Variants in MACF1 observed in about 807,000 individuals in gnomAD.
MACF1 encodes microtubule actin crosslinking factor 1, also known as microtubule-actin cross-linking factor 1.
A neutral mutation model predicts 854.8 loss-of-function variants in MACF1; 193 were observed. That is an observed-to-expected ratio of 0.23 (90% CI 0.20 to 0.25). The LOEUF (loss-of-function observed/expected upper bound fraction) is 0.25. Among genes scored for constraint, MACF1 ranks in the 10% least tolerant of loss-of-function variants. MACF1 has a pLI of 1.00. For synonymous variants in MACF1, 3,185 were observed against 3,226.7 expected (o/e 0.99, Z 0.44); for missense variants, 7,722 against 8,929.1 (o/e 0.86, Z 5.45).
At chr1:39,248,415 C>G (rs1282895451) in intron 2 of MACF1, among the ~76,000 whole-genome samples, 4 of 152,098 alleles carry the variant, frequency 2.6e-5, no homozygotes, top group Non-Finnish European at 1.5e-5. Flanking sequence ...TTACTGCAGC[C>G]TTGAGCCTTA....
chr1:39,418,751 T>C (rs754325745), intron 58 of MACF1, among the ~76,000 whole-genome samples: 1 of 152,080 alleles, frequency 6.6e-6, no homozygotes, highest in Non-Finnish European at 1.5e-5. Context: ...TAGTCCCCGT[T>C]ACTTGAGAGA....
At chr1:39,308,419 A>G (rs1272233431) in intron 23 of MACF1, among the ~76,000 whole-genome samples, 1 of 152,132 alleles carries the variant, frequency 6.6e-6, no homozygotes, top group East Asian at 1.9e-4. Context: ...GAGAGAGGGA[A>G]GATTAAACTT....
intron 36 of MACF1, 188 bp from the exon 37 acceptor site, chr1:39,331,015 G>T (rs1571346092): frequency 1.5e-6 from 1 of 669,144 alleles, no homozygotes; most frequent in Non-Finnish European, 2.2e-6. Context: ...TGGTCAGGCT[G>T]GTCTCAGACT....
chr1:39,325,557 A>G (rs1646594433), intron 35 of MACF1, among the ~76,000 whole-genome samples: 1 of 152,244 alleles, frequency 6.6e-6, no homozygotes, highest in Non-Finnish European at 1.5e-5. Flanking sequence ...GGACTTAACT[A>G]TGTTTTCGAG....
At chr1:39,327,995 G>GATATA in intron 36 of MACF1, among the ~76,000 whole-genome samples, 1 of 152,242 alleles carries the variant, frequency 6.6e-6, no homozygotes, top group East Asian at 1.9e-4. Flanking sequence ...GTGTCTCTGG[G>GATATA]ATATATATGT....
intron 2 of MACF1, among the ~76,000 whole-genome samples, chr1:39,113,423 G>A (rs776707511): frequency 1.3e-5 from 2 of 152,064 alleles, no homozygotes; most frequent in Admixed American, 1.3e-4. Flanking sequence ...CAACACAAAC[G>A]AATTGTGTTT....
intron 2 of MACF1, among the ~76,000 whole-genome samples, chr1:39,099,099 A>G (rs1207894931): frequency 6.6e-6 from 1 of 152,194 alleles, no homozygotes; most frequent in Admixed American, 6.5e-5. Context: ...CTACCCTTGC[A>G]AGGAGGAATG....
At chr1:39,390,091 A>G (rs114013808) in intron 58 of MACF1, among the ~76,000 whole-genome samples, 79 of 152,314 alleles carry the variant, frequency 5.2e-4, no homozygotes, top group Admixed American at 2.4e-3. Context: ...TCACTATATT[A>G]ACCTGTTGCC....
chr1:39,240,712 T>C lies in MACF1; in HGVS notation c.172-9302T>C, dbSNP rs190455542. 2.0e-5 allele frequency among the ~76,000 whole-genome samples: 3 copies of C among 152,322 alleles called. No individual in the cohort carries two copies. The East Asian group carries it at 5.8e-4, about 29-fold the overall frequency. Reference sequence around the variant, plus strand: ...CAGGGTTTCTTCATGTTGGTCAGGCTGGTCTCGAACTTCTGATCTCAGGTG... The same window carrying C: ...CAGGGTTTCTTCATGTTGGTCAGGCCGGTCTCGAACTTCTGATCTCAGGTG... On this transcript the variant is annotated intron_variant, in intron 2 of 100. Transcript: ENST00000564288.
chr1:39,303,118 T>A, intron 23 of MACF1, 40 bp downstream of exon 23: 1 of 1,602,622 alleles, frequency 6.2e-7, no homozygotes, highest in Non-Finnish European at 8.5e-7. Context: ...CCACCTCTGC[T>A]GTTGGCCTCG....
At chr1:39,089,527 C>G (rs959114453) in intron 2 of MACF1, among the ~76,000 whole-genome samples, 1 of 152,134 alleles carries the variant, frequency 6.6e-6, no homozygotes, top group East Asian at 1.9e-4. Flanking sequence ...GGTTCATTTC[C>G]CTCACCAGCT....
At position 39,448,286 on chromosome 1, in the gene MACF1, G is replaced by A; in HGVS notation, c.20088+134G>A. 16 of 1,046,522 alleles carry A rather than the reference G, an allele frequency of 1.5e-5. No individual in the cohort carries two copies. The South Asian group carries it at 2.5e-4, about 17-fold the overall frequency. The allele number at this position is 1,046,522 out of a possible 1,614,324, so 64.8% of individuals were successfully genotyped here. A position where few individuals can be genotyped will look rare whatever the true frequency, so the allele number is the denominator to read the frequency against. Reference sequence around the variant, plus strand: ...TTTAAAAGTCAAAATGATGAAGCCAGGGTTCCATTTTATATCTAGATGGTC... The same window carrying A: ...TTTAAAAGTCAAAATGATGAAGCCAAGGTTCCATTTTATATCTAGATGGTC... On this transcript the variant is annotated intron_variant, in intron 83 of 100. Coordinates refer to ENST00000564288, the MANE Select transcript of MACF1 (RefSeq NM_001394062.1).
At chr1:39,113,589 AT>A (rs1642468033) in intron 2 of MACF1, among the ~76,000 whole-genome samples, 1 of 152,244 alleles carries the variant, frequency 6.6e-6, no homozygotes, top group African/African-American at 2.4e-5. Flanking sequence ...TAATTGGAAC[AT>A]TCCTGATGGT....
chr1:39,312,509 C>G (rs1462473310), intron 26 of MACF1, among the ~76,000 whole-genome samples: 1 of 152,052 alleles, frequency 6.6e-6, no homozygotes, highest in African/African-American at 2.4e-5. Flanking sequence ...AACCACAGAA[C>G]AATGATAAAC....
intron 2 of MACF1, among the ~76,000 whole-genome samples, chr1:39,108,988 CTT>C (rs1005021059): frequency 9.2e-5 from 14 of 152,132 alleles, no homozygotes; most frequent in African/African-American, 3.4e-4. Flanking sequence ...CAGAAAATAA[CTT>C]ATAAAACTTA....
chr1:39,253,239 G>A (rs1645061940), intron 4 of MACF1, among the ~76,000 whole-genome samples: 1 of 152,136 alleles, frequency 6.6e-6, no homozygotes, highest in Admixed American at 6.5e-5. Context: ...GGGTAGAGAT[G>A]GGGTTCTCTC....
Position 39,357,551 on chromosome 1 carries a change from A to G in MACF1, c.11601A>G (p.Ala3867=), listed in dbSNP as rs781380481. 4 of 1,614,208 alleles carry G rather than the reference A, an allele frequency of 2.5e-6. No homozygotes were observed. In the South Asian group the frequency reaches 3.3e-5, roughly 13 times the overall value. The change falls in exon 45 of 101, where the codon GCA becomes GCG. Residue 3867 remains alanine (A), a synonymous_variant. Transcript: ENST00000564288. ...CTACTTCCCTGGCCCAATCAGAGGC[A>G]GAACTGAAGCAGGTGCAGACACTTC... is the stretch of plus-strand genomic sequence containing the variant. The part of the protein sequence containing the change: ...QYSTSLAQSE[A]ELKQVQTLQD...
intron 2 of MACF1, among the ~76,000 whole-genome samples, chr1:39,146,060 G>A (rs1187906407): frequency 6.6e-6 from 1 of 152,174 alleles, no homozygotes; most frequent in Non-Finnish European, 1.5e-5. Context: ...ATATTGAAGA[G>A]CTATCTGGAC....
rs933749557 is a variant in MACF1 at position 39,091,806 on chromosome 1, A to T, written c.220+7368A>T. On this transcript the variant is annotated intron_variant, in intron 2 of 93. Transcript: ENST00000361689. ...CTGCACCCGGCTGCCCTTGATACAT[A>T]TTAGCTCTTTTCATGAATATCATTC... Among the ~76,000 whole-genome samples the T allele has an allele frequency of 1.3e-5, 2 of 152,114 alleles. 1 individual carries two copies. The highest frequency in any genetic ancestry group is 1.3e-4 in the Admixed American group (2 of 15,274).
Sources: allele counts gnomAD v4.1 joint callset (sites outside exome capture counted in the v4.1 genomes callset), GRCh38; gene constraint gnomAD v4.1.1; transcripts MANE v1.5; gene names NCBI Gene and HGNC (gene_info 2026-07-23, HGNC 2026-07-21).